FRMD3: variants seen among roughly 807,000 people sequenced by gnomAD.
FRMD3 encodes FERM domain-containing protein 3.
Under a neutral mutation model 70.2 loss-of-function variants are expected in FRMD3, and 33 were observed. The observed-to-expected ratio is 0.47, with a 90% CI of 0.36 to 0.63. The LOEUF is 0.63. Among genes scored for constraint, FRMD3 ranks in the 20% least tolerant of loss-of-function variants. The pLI is 0.00. For missense variants in FRMD3, 632 were observed against 711.4 expected (o/e 0.89, Z 1.27); for synonymous variants, 279 against 255.9 (o/e 1.09, Z -0.86).
At chr9:83,525,378 TG>T (rs1380641613) in intron 1 of FRMD3, among the ~76,000 whole-genome samples, 1 of 152,220 alleles carries the variant, frequency 6.6e-6, no homozygotes, top group African/African-American at 2.4e-5. Context: ...TATTGTTGTT[TG>T]AGCAATTTTG....
intron 1 of FRMD3, among the ~76,000 whole-genome samples, chr9:83,449,642 T>C (rs546958641): frequency 6.6e-6 from 1 of 152,340 alleles, no homozygotes; most frequent in Non-Finnish European, 1.5e-5. Context: ...TTCTGATGTC[T>C]GTGGCATTGC....
rs141934910 is a variant in FRMD3 at position 83,490,009 on chromosome 9, G to C, written c.147+48076C>G. ...AATGTGATGTGTGTTTCCTGCCCTA[G>C]AGAACTTGAATTCCCCCAACTTTAA... On this transcript the variant is annotated intron_variant, in intron 1 of 13. Transcript: ENST00000304195. 2.0e-3 allele frequency among the ~76,000 whole-genome samples: 312 copies of C among 152,246 alleles called. 3 individuals carry two copies. Among genetic ancestry groups the C allele is most frequent in the African/African-American group, 7.4e-3 (308 of 41,538 alleles).
intron 13 of FRMD3, among the ~76,000 whole-genome samples, chr9:83,274,605 G>T (rs2118844040): frequency 6.6e-6 from 1 of 152,278 alleles, no homozygotes; most frequent in Admixed American, 6.5e-5. Flanking sequence ...GGAAGGAGAA[G>T]CTTTGTCTGA....
the FRMD3 span, among the ~76,000 whole-genome samples, chr9:83,558,793 G>A: frequency 6.6e-6 from 1 of 152,220 alleles, no homozygotes; most frequent in Non-Finnish European, 1.5e-5. Context: ...GAATTTCAAA[G>A]AAGTTGATTT....
At chr9:83,358,522 C>T (rs1824478601) in intron 3 of FRMD3, among the ~76,000 whole-genome samples, 1 of 152,110 alleles carries the variant, frequency 6.6e-6, no homozygotes, top group African/African-American at 2.4e-5. Context: ...TTGCCTTCGG[C>T]AGTATGGTCA....
chr9:83,434,369 G>A (rs1216529020), intron 1 of FRMD3, among the ~76,000 whole-genome samples: 1 of 152,182 alleles, frequency 6.6e-6, no homozygotes, highest in East Asian at 1.9e-4. Context: ...GCCCTTCCTG[G>A]TTGTGTCACC....
the FRMD3 span, among the ~76,000 whole-genome samples, chr9:83,560,007 T>C: frequency 1.2e-4 from 18 of 152,188 alleles, no homozygotes; most frequent in Non-Finnish European, 1.8e-4. Flanking sequence ...CATCCCCGTG[T>C]GCTTTACACA....
chr9:83,467,836 A>G (rs1828170009), intron 1 of FRMD3: 2 of 1,383,588 alleles, frequency 1.4e-6, no homozygotes, highest in African/African-American at 1.5e-5. Flanking sequence ...CTGTCACAGT[A>G]AATAGGTTGA....
Position 83,394,318 on chromosome 9 carries a change from T to G in FRMD3, c.148-4610A>C, listed in dbSNP as rs540400117. 2.7e-4 allele frequency among the ~76,000 whole-genome samples: 41 copies of G among 152,310 alleles called. No individual in the cohort carries two copies. The South Asian group carries it at 3.3e-3, about 12-fold the overall frequency. On this transcript the variant is annotated intron_variant, in intron 1 of 13. Coordinates refer to ENST00000304195, the MANE Select transcript of FRMD3 (RefSeq NM_174938.6). ...TCCCTGGGCTACAGACTCACTGATA[T>G]GGCAAACTAGGATCTATTTCAAAAG...
intron 1 of FRMD3, among the ~76,000 whole-genome samples, chr9:83,425,030 T>C (rs1384817975): frequency 6.6e-6 from 1 of 152,236 alleles, no homozygotes; most frequent in African/African-American, 2.4e-5. Flanking sequence ...TATTGCAGAC[T>C]GGCAGCCTCT....
At chr9:83,300,228 A>G (rs10867980) in intron 10 of FRMD3, among the ~76,000 whole-genome samples, 73,870 of 152,024 alleles carry the variant, frequency 0.49, 20,451 homozygotes, top group East Asian at 0.63. Flanking sequence ...CAAGGTAAGT[A>G]CAAGAAAGAC....
At position 83,344,726 on chromosome 9, in the gene FRMD3, G is replaced by T. The variant is rs1281854564; in HGVS notation, c.375-1439C>A. 2.0e-5 allele frequency among the ~76,000 whole-genome samples: 3 copies of T among 152,130 alleles called. No individual in the cohort carries two copies. The South Asian group carries it at 6.2e-4, about 32-fold the overall frequency. ...CTGGGTCTCCAGGTTACAGACAGCA[G>T]ATCATGGAATACCTCAGCCCTCATA... is the stretch of plus-strand genomic sequence containing the variant. On this transcript the variant is annotated intron_variant, in intron 4 of 13. Coordinates refer to ENST00000304195, the MANE Select transcript of FRMD3 (RefSeq NM_174938.6).
At chr9:83,339,442 C>T (rs1823685213) in intron 5 of FRMD3, among the ~76,000 whole-genome samples, 2 of 152,176 alleles carry the variant, frequency 1.3e-5, no homozygotes, top group Non-Finnish European at 2.9e-5. Flanking sequence ...TTGAAACCAG[C>T]TCTAGCACTT....
chr9:83,320,111 A>G (rs372993737), intron 6 of FRMD3, among the ~76,000 whole-genome samples: 6 of 152,166 alleles, frequency 3.9e-5, no homozygotes, highest in African/African-American at 1.4e-4. Context: ...AACAGGGAAA[A>G]TTTGACTTCC....
chr9:83,565,934 G>A, the FRMD3 span, among the ~76,000 whole-genome samples: 1 of 152,200 alleles, frequency 6.6e-6, no homozygotes, highest in African/African-American at 2.4e-5. Flanking sequence ...TCTGGGAAAG[G>A]AGGAGAGTCT....
At chr9:83,556,677 T>C in the FRMD3 span, among the ~76,000 whole-genome samples, 383 of 152,270 alleles carry the variant, frequency 2.5e-3, no homozygotes, top group Non-Finnish European at 4.6e-3. Flanking sequence ...TTTAGATTCT[T>C]GTTAGAATTT....
At chr9:83,293,671 C>T (rs1029631098) in intron 12 of FRMD3, among the ~76,000 whole-genome samples, 8 of 152,224 alleles carry the variant, frequency 5.3e-5, no homozygotes, top group African/African-American at 1.9e-4. Context: ...TATGAGCCTG[C>T]CTTGGCATTA....
intron 1 of FRMD3, among the ~76,000 whole-genome samples, chr9:83,522,372 C>A (rs1251339839): frequency 6.6e-6 from 1 of 152,006 alleles, no homozygotes; most frequent in Non-Finnish European, 1.5e-5. Flanking sequence ...AGAACAGGGG[C>A]GTAGAGAAGC....
intron 10 of FRMD3, among the ~76,000 whole-genome samples, chr9:83,302,531 A>T (rs1229514800): frequency 6.6e-6 from 1 of 152,154 alleles, no homozygotes. Context: ...GGAGGGTTAC[A>T]CAAGAGTAAA....
Sources: allele counts gnomAD v4.1 joint callset (sites outside exome capture counted in the v4.1 genomes callset), GRCh38; gene constraint gnomAD v4.1.1; transcripts MANE v1.5; gene names NCBI Gene and HGNC (gene_info 2026-07-23, HGNC 2026-07-21).